Variants in LOC128092252 observed in about 807,000 individuals in gnomAD.
the LOC128092252 span, chr15:50,657,876 A>C: frequency 7.0e-7 from 1 of 1,423,980 alleles, no homozygotes; most frequent in Non-Finnish European, 9.7e-7. Flanking sequence ...TCTGATTTTA[A>C]AGTATATAAA....
At chr15:50,683,611 G>C in the LOC128092252 span, among the ~76,000 whole-genome samples, 3 of 152,096 alleles carry the variant, frequency 2.0e-5, no homozygotes, top group Non-Finnish European at 4.4e-5. Flanking sequence ...GTGGACGCCT[G>C]TAATCCCAGC....
the LOC128092252 span, among the ~76,000 whole-genome samples, chr15:50,673,634 GTA>G: frequency 4.7e-5 from 7 of 150,268 alleles, no homozygotes; most frequent in Non-Finnish European, 1.0e-4. Flanking sequence ...GTATTCCCTC[GTA>G]TATATATATA....
the LOC128092252 span, among the ~76,000 whole-genome samples, chr15:50,650,192 C>CCA: frequency 1.6e-5 from 1 of 62,302 alleles, no homozygotes; most frequent in African/African-American, 7.2e-5. Flanking sequence ...GACTTTGTCT[C>CCA]AAAAAAAAAA....
chr15:50,660,116 C>T, the LOC128092252 span, among the ~76,000 whole-genome samples: 1 of 152,142 alleles, frequency 6.6e-6, no homozygotes, highest in Non-Finnish European at 1.5e-5. Flanking sequence ...GTCATTTATC[C>T]TCTTGTTGAG....
chr15:50,663,150 C>CAA, the LOC128092252 span: 1 of 864,078 alleles, frequency 1.2e-6, no homozygotes. Flanking sequence ...TTTTTTGAGA[C>CAA]AGAGTTTTGC....
chr15:50,677,555 A>G, the LOC128092252 span, among the ~76,000 whole-genome samples: 200 of 151,848 alleles, frequency 1.3e-3, 2 homozygotes, highest in African/African-American at 4.7e-3. Flanking sequence ...CCTGACCAAC[A>G]TGGTGAAACC....
At chr15:50,685,519 T>C in the LOC128092252 span, among the ~76,000 whole-genome samples, 1 of 152,226 alleles carries the variant, frequency 6.6e-6, no homozygotes, top group Non-Finnish European at 1.5e-5. Context: ...TTATTCAAAG[T>C]ATTACTACAT....
the LOC128092252 span, among the ~76,000 whole-genome samples, chr15:50,671,504 T>C: frequency 6.6e-6 from 1 of 152,184 alleles, no homozygotes; most frequent in Non-Finnish European, 1.5e-5. Context: ...ATAATGGACC[T>C]GAAAAATTCC....
chr15:50,685,970 C>T, the LOC128092252 span, among the ~76,000 whole-genome samples: 1 of 152,174 alleles, frequency 6.6e-6, no homozygotes, highest in Non-Finnish European at 1.5e-5. Flanking sequence ...TTGTCAAATC[C>T]CTCCCTTTTG....
the LOC128092252 span, among the ~76,000 whole-genome samples, chr15:50,685,785 C>G: frequency 6.6e-6 from 1 of 152,162 alleles, no homozygotes; most frequent in Non-Finnish European, 1.5e-5. Flanking sequence ...CCGCCTCCCT[C>G]TCTCCATTCC....
chr15:50,656,170 A>G, the LOC128092252 span, among the ~76,000 whole-genome samples: 1 of 150,720 alleles, frequency 6.6e-6, no homozygotes, highest in Non-Finnish European at 1.5e-5. Context: ...ATGAAATGCT[A>G]AATAAAAGAA....
At chr15:50,659,661 A>G in the LOC128092252 span, among the ~76,000 whole-genome samples, 1 of 146,954 alleles carries the variant, frequency 6.8e-6, no homozygotes, top group Non-Finnish European at 1.5e-5. Flanking sequence ...CCTTAATGAT[A>G]AAATCTATTT....
At chr15:50,652,881 G>A in the LOC128092252 span, among the ~76,000 whole-genome samples, 1 of 152,072 alleles carries the variant, frequency 6.6e-6, no homozygotes, top group Non-Finnish European at 1.5e-5. Context: ...AAAAGACTAG[G>A]CCGGGCACAC....
chr15:50,652,276 T>C, the LOC128092252 span, among the ~76,000 whole-genome samples: 1 of 124,030 alleles, frequency 8.1e-6, no homozygotes, highest in Non-Finnish European at 1.5e-5. Flanking sequence ...GAGATTGCAG[T>C]GAGCCAAGAT....
At chr15:50,680,358 T>A in the LOC128092252 span, among the ~76,000 whole-genome samples, 3 of 152,206 alleles carry the variant, frequency 2.0e-5, no homozygotes, top group East Asian at 5.8e-4. Context: ...CTGAGCAACA[T>A]GCCAAAACTC....
chr15:50,660,063 A>G, the LOC128092252 span, among the ~76,000 whole-genome samples: 1 of 152,234 alleles, frequency 6.6e-6, no homozygotes, highest in African/African-American at 2.4e-5. Context: ...GGAGGCTTAA[A>G]TACTAATCCC....
chr15:50,675,730 A>C, the LOC128092252 span, among the ~76,000 whole-genome samples: 1 of 152,222 alleles, frequency 6.6e-6, no homozygotes, highest in Non-Finnish European at 1.5e-5. Flanking sequence ...TTTTACCAAG[A>C]GGTGGCAAAC....
chr15:50,685,758 T>C, the LOC128092252 span, among the ~76,000 whole-genome samples: 3 of 152,254 alleles, frequency 2.0e-5, no homozygotes, highest in African/African-American at 7.2e-5. Flanking sequence ...AAAAGCTCTA[T>C]CGGAAGCTGC....
the LOC128092252 span, among the ~76,000 whole-genome samples, chr15:50,673,790 C>A: frequency 1.3e-5 from 2 of 152,138 alleles, no homozygotes; most frequent in African/African-American, 2.4e-5. Context: ...CTGGTAGATA[C>A]CCAGTAGTGG....
Sources: gnomAD v4.1 joint callset for allele counts (sites outside exome capture counted in the v4.1 genomes callset) on GRCh38, gnomAD v4.1.1 for gene constraint, MANE v1.5 for transcripts.